The following CORO2A variants were observed in gnomAD, a reference collection of about 807,000 sequenced individuals.
CORO2A encodes the protein coronin 2A, also known as coronin-2A.
In CORO2A, 47 loss-of-function variants were observed where a neutral mutation model predicts 62.4. That is an observed-to-expected ratio of 0.75 (90% confidence interval 0.60 to 0.96). The LOEUF (loss-of-function observed/expected upper bound fraction) is 0.96. CORO2A is among the 40% of genes least tolerant of loss of function. The pLI, the probability that CORO2A is intolerant of heterozygous loss-of-function variation, is 0.00. For missense variants in CORO2A, 610 were observed against 684.1 expected (o/e 0.89, Z 1.21); for synonymous variants, 273 against 268.9 (o/e 1.02, Z -0.15).
chr9:98,173,553 T>G (rs1039818572), intron 1 of CORO2A, among the ~76,000 whole-genome samples: 7 of 152,042 alleles, frequency 4.6e-5, no homozygotes, highest in African/African-American at 1.7e-4. Context: ...AAGTCTCTTC[T>G]CAACATATAA....
intron 7 of CORO2A, 103 bp from the exon 8 acceptor site, chr9:98,129,993 T>A (rs1827382431): frequency 3.8e-6 from 3 of 793,914 alleles, no homozygotes; most frequent in Non-Finnish European, 6.4e-6. Context: ...TTTTTGATGA[T>A]CGGCAAACCC....
chr9:98,131,531 C>T (rs1032502749), intron 6 of CORO2A, among the ~76,000 whole-genome samples: 2 of 151,906 alleles, frequency 1.3e-5, no homozygotes, highest in Non-Finnish European at 2.9e-5. Flanking sequence ...GTAGCTCAGG[C>T]TGGTCTCGAA....
intron 1 of CORO2A, among the ~76,000 whole-genome samples, chr9:98,172,197 A>G (rs374467650): frequency 6.6e-6 from 1 of 150,510 alleles, no homozygotes; most frequent in South Asian, 2.1e-4. Context: ...CCCACACCCC[A>G]CTTCTGAGCT....
chr9:98,126,826 G>A lies in CORO2A; in HGVS notation c.1172-3C>T, dbSNP rs1827328681. 6.2e-7 allele frequency: 1 copy of A among 1,614,120 alleles called. No homozygotes were observed. The highest frequency in any genetic ancestry group is 8.5e-7 in the Non-Finnish European group (1 of 1,180,004). ...CCTAAGGGACACCAGGATTGGGTCT[G>A]GAAGGGAAGCAGAGCCATGTGAGGA... On this transcript the variant is annotated splice_region_variant and splice_polypyrimidine_tract_variant and intron_variant, in intron 10 of 11. Coordinates refer to ENST00000375077, the MANE Select transcript of CORO2A (RefSeq NM_052820.4).
chr9:98,166,357 A>T (rs1010679367), intron 1 of CORO2A, among the ~76,000 whole-genome samples: 3 of 152,244 alleles, frequency 2.0e-5, no homozygotes, highest in Non-Finnish European at 4.4e-5. Context: ...GAAAAAAAAT[A>T]GACAAATTGT....
intron 1 of CORO2A, among the ~76,000 whole-genome samples, chr9:98,157,892 C>T (rs1827829238): frequency 6.6e-6 from 1 of 152,198 alleles, no homozygotes. Context: ...GACCTGCTTG[C>T]TGATGTGTTA....
rs16913404 is a variant in CORO2A, at chr9:98,163,871, G to A, written c.1-6211C>T. On this transcript the variant is annotated intron_variant, in intron 1 of 11. Coordinates refer to ENST00000375077, the MANE Select transcript of CORO2A (RefSeq NM_052820.4). ...GACAAGGGTTAGCTGCAGGGTGGCT[G>A]AAACTGAACCCAAACTGGGCGTGGT... Among the ~76,000 whole-genome samples the A allele has an allele frequency of 6.2e-3, 940 of 152,224 alleles. 44 individuals are homozygous for A. The East Asian group carries it at 0.11, about 18-fold the overall frequency.
At chr9:98,139,390 G>C (rs182328812) in intron 2 of CORO2A, among the ~76,000 whole-genome samples, 64 of 152,298 alleles carry the variant, frequency 4.2e-4, no homozygotes, top group African/African-American at 1.4e-3. Flanking sequence ...CACTTTGGGA[G>C]GCCAAGATGG....
intron 1 of CORO2A, among the ~76,000 whole-genome samples, chr9:98,173,915 G>C (rs557612776): frequency 6.6e-6 from 1 of 152,214 alleles, no homozygotes; most frequent in African/African-American, 2.4e-5. Flanking sequence ...TCGGGAGTTC[G>C]AGACTAGCCT....
intron 2 of CORO2A, among the ~76,000 whole-genome samples, chr9:98,149,473 T>C (rs1381468517): frequency 1.2e-4 from 18 of 152,244 alleles, no homozygotes; most frequent in Non-Finnish European, 1.5e-5. Context: ...AAGACGTTTG[T>C]TTGGCTCACA....
At chr9:98,187,117 A>C (rs1035732629) in intron 1 of CORO2A, among the ~76,000 whole-genome samples, 12 of 151,972 alleles carry the variant, frequency 7.9e-5, no homozygotes, top group African/African-American at 2.9e-4. Flanking sequence ...GTCTCTACTG[A>C]AAACACAAAA....
At chr9:98,136,385 T>A (rs1199914752) in intron 3 of CORO2A, among the ~76,000 whole-genome samples, 1 of 152,266 alleles carries the variant, frequency 6.6e-6, no homozygotes, top group Non-Finnish European at 1.5e-5. Flanking sequence ...CTTTGAATTT[T>A]CTGCCTTCCT....
In CORO2A at chr9:98,181,437, A is replaced by G. The variant is rs527891555; in HGVS notation, c.-1+11122T>C. 2.5e-3 allele frequency among the ~76,000 whole-genome samples: 383 copies of G among 151,002 alleles called. 3 individuals carry two copies. Among genetic ancestry groups the G allele is most frequent in the Non-Finnish European group, 5.0e-3 (341 of 67,784 alleles). On this transcript the variant is annotated intron_variant, in intron 1 of 11. Coordinates refer to ENST00000375077, the MANE Select transcript of CORO2A (RefSeq NM_052820.4). ...GCAATCCTCATGTCTCAGTCTCCCAAAGTGCTAGGATTATAGGCGTGAGCC... is the reference window on the plus strand; with the variant it reads ...GCAATCCTCATGTCTCAGTCTCCCAGAGTGCTAGGATTATAGGCGTGAGCC...
At chr9:98,192,067 G>A (rs937092047) in intron 1 of CORO2A, among the ~76,000 whole-genome samples, 1 of 152,202 alleles carries the variant, frequency 6.6e-6, no homozygotes, top group Non-Finnish European at 1.5e-5. Flanking sequence ...GGCTTGGCGG[G>A]GACCCGGGGA....
At chr9:98,138,191 G>T (rs1025618123) in intron 2 of CORO2A, among the ~76,000 whole-genome samples, 12 of 152,106 alleles carry the variant, frequency 7.9e-5, no homozygotes, top group African/African-American at 2.4e-4. Context: ...AAGGTGGGTG[G>T]ATCACCTGAG....
rs1827245083 is a variant in CORO2A, at chr9:98,121,509, A to G, written c.*3265T>C. Reference sequence around the variant, plus strand: ...TGAAATAATTTAAATAATTTATTCTAGATGTAAAAATAATAATACAAAAAA... The same window carrying G: ...TGAAATAATTTAAATAATTTATTCTGGATGTAAAAATAATAATACAAAAAA... On this transcript the variant is annotated 3_prime_UTR_variant, in exon 12 of 12. Transcript: ENST00000375077. The G allele has an allele frequency of 6.6e-6, 1 of 152,244 alleles. No homozygotes were observed. The allele number at this position is 152,244 out of a possible 1,614,324, so 9.4% of individuals were successfully genotyped here.
At chr9:98,133,264 T>C (rs1248412202) in intron 4 of CORO2A, 47 bp from the exon 5 acceptor site, 4 of 1,584,972 alleles carry the variant, frequency 2.5e-6, no homozygotes, top group Non-Finnish European at 3.5e-6. Flanking sequence ...ACCTTGCCCC[T>C]GGGCCTCATA....
At chr9:98,167,315 T>C (rs1392849580) in intron 1 of CORO2A, among the ~76,000 whole-genome samples, 1 of 151,908 alleles carries the variant, frequency 6.6e-6, no homozygotes, top group Non-Finnish European at 1.5e-5. Context: ...TAGGGAGGAA[T>C]GAAAAGTTAT....
In CORO2A at chr9:98,128,682, G is replaced by C; in HGVS notation, c.1005C>G (p.Cys335Trp). The C allele has an allele frequency of 6.2e-7, 1 of 1,614,160 alleles. No individual in the cohort carries two copies. The highest frequency in any genetic ancestry group is 1.1e-5 in the South Asian group (1 of 91,082). ...TCAGCTTGTAGAAGCGGAAGATCTC[G>C]CAGGAGGACACGTCGAGTCCTCTCT... ...MPKRGLDVSS[C>W]EIFRFYKLIT... The change falls in exon 9 of 12, where the codon TGC (cysteine) becomes TGG (tryptophan). Residue 335 changes from cysteine to tryptophan, a missense_variant. By Grantham distance (215) the Cys-to-Trp change is radical. Coordinates refer to ENST00000375077, the MANE Select transcript of CORO2A (RefSeq NM_052820.4).
Sources: allele counts gnomAD v4.1 joint callset (sites outside exome capture counted in the v4.1 genomes callset), GRCh38; gene constraint gnomAD v4.1.1; transcripts MANE v1.5; gene names NCBI Gene and HGNC (gene_info 2026-07-23, HGNC 2026-07-21).